RBM46: variants seen among roughly 807,000 people sequenced by gnomAD.
RBM46 encodes the protein RNA binding motif protein 46.
RBM46 carries 12 observed loss-of-function variants against 43.3 expected under a neutral mutation model. The observed-to-expected ratio is 0.28, with a 90% CI of 0.18 to 0.45. The LOEUF (loss-of-function observed/expected upper bound fraction) is 0.45. Ranked by LOEUF, RBM46 falls within the 20% of genes least tolerant of loss-of-function variation. RBM46 has a pLI of 1.00. For missense variants in RBM46, 412 were observed against 639.1 expected, an observed-to-expected ratio of 0.64 and a Z score of 3.83; for synonymous variants, 205 against 207.6, an observed-to-expected ratio of 0.99 and a Z score of 0.11.
intron 4 of RBM46, chr4:154,827,083 A>G (rs1736001722): frequency 9.0e-7 from 1 of 1,108,708 alleles, no homozygotes. Flanking sequence ...TCTGTAATAT[A>G]CACACACACA....
intron 4 of RBM46, among the ~76,000 whole-genome samples, chr4:154,822,425 A>G (rs575460693): frequency 8.5e-4 from 129 of 151,774 alleles, no homozygotes; most frequent in African/African-American, 2.9e-3. Flanking sequence ...TTGATTTTCT[A>G]TACTAGAATA....
At chr4:154,798,686 T>C in intron 3 of RBM46, 96 bp from the exon 4 acceptor site, 1 of 974,400 alleles carries the variant, frequency 1.0e-6, no homozygotes, top group Non-Finnish European at 1.4e-6. Context: ...GATGTGTAGT[T>C]GAGTTTCTGC....
intron 4 of RBM46, among the ~76,000 whole-genome samples, chr4:154,809,041 A>G (rs962372340): frequency 2.2e-5 from 3 of 135,748 alleles, no homozygotes; most frequent in East Asian, 2.3e-4. Context: ...CTATTTCTTA[A>G]TATTTTCCCT....
At chr4:154,818,347 A>T (rs577404655) in intron 4 of RBM46, among the ~76,000 whole-genome samples, 1 of 152,150 alleles carries the variant, frequency 6.6e-6, no homozygotes, top group East Asian at 1.9e-4. Flanking sequence ...TTGAAAGGTT[A>T]TTTTTGCTAG....
At position 154,828,105 on chromosome 4, in the gene RBM46, T is replaced by C; in HGVS notation, c.*38T>C. On this transcript the variant is annotated 3_prime_UTR_variant, in exon 5 of 5. Transcript: ENST00000281722. ...CATTAGTATGAAAATTTGTGTAAAT[T>C]TGTAGTATGAAAACTTGCAAATTAA... 1 of 1,436,376 alleles carries C rather than the reference T, an allele frequency of 7.0e-7. No homozygotes were observed. The highest frequency in any genetic ancestry group is 9.8e-7 in the Non-Finnish European group (1 of 1,020,310). The allele number at this position is 1,436,376 out of a possible 1,614,324, so 89.0% of individuals were successfully genotyped here.
chr4:154,783,291 T>C (rs1431722563), intron 1 of RBM46, among the ~76,000 whole-genome samples: 3 of 152,170 alleles, frequency 2.0e-5, no homozygotes, highest in African/African-American at 7.2e-5. Context: ...TTAAAATATA[T>C]GCATTACTGG....
chr4:154,797,206 T>G (rs1364835449), intron 2 of RBM46, among the ~76,000 whole-genome samples: 1 of 152,150 alleles, frequency 6.6e-6, no homozygotes. Flanking sequence ...GGAGATCATC[T>G]GGGGAGGAAT....
At chr4:154,786,108 A>G (rs1369182967) in intron 1 of RBM46, among the ~76,000 whole-genome samples, 1 of 152,202 alleles carries the variant, frequency 6.6e-6, no homozygotes, top group South Asian at 2.1e-4. Flanking sequence ...GTTTTTTGAG[A>G]TGGAGCCTCG....
chr4:154,821,107 ATTT>A (rs1735701339), intron 4 of RBM46, among the ~76,000 whole-genome samples: 1 of 151,738 alleles, frequency 6.6e-6, no homozygotes, highest in Non-Finnish European at 1.5e-5. Flanking sequence ...TTGTGTGGTT[ATTT>A]TTATCACTTA....
chr4:154,826,759 CT>C (rs1172166283), intron 4 of RBM46: 1 of 1,066,612 alleles, frequency 9.4e-7, no homozygotes, highest in African/African-American at 2.2e-5. Flanking sequence ...TTTTTTTTTC[CT>C]GAACTAGGTC....
Position 154,828,293 on chromosome 4 carries a change from C to T in RBM46, c.*226C>T. The T allele has an allele frequency of 2.0e-6, 1 of 493,624 alleles. No individual in the cohort carries two copies. The highest frequency in any genetic ancestry group is 3.6e-6 in the Non-Finnish European group (1 of 279,080). 30.6% of individuals were successfully genotyped at this position (493,624 alleles called of 1,614,324 possible). ...TCAGTGGTTTCTCTTGATAAAGGTACAGCAAACTACTATTCTTTTTAAACT... is the reference window on the plus strand; with the variant it reads ...TCAGTGGTTTCTCTTGATAAAGGTATAGCAAACTACTATTCTTTTTAAACT... On this transcript the variant is annotated 3_prime_UTR_variant, in exon 5 of 5. Coordinates refer to ENST00000281722, the MANE Select transcript of RBM46 (RefSeq NM_144979.5).
chr4:154,823,493 GAAAC>G (rs1322445249), intron 4 of RBM46, among the ~76,000 whole-genome samples: 1 of 151,650 alleles, frequency 6.6e-6, no homozygotes. Context: ...TATCTAGTCA[GAAAC>G]AAAAGAAAAA....
chr4:154,822,384 C>T (rs1008165094), intron 4 of RBM46, among the ~76,000 whole-genome samples: 1 of 151,478 alleles, frequency 6.6e-6, no homozygotes, highest in Non-Finnish European at 1.5e-5. Context: ...AAAGAAATTT[C>T]ATTTCTTTAT....
chr4:154,808,910 C>A (rs1217225763), intron 4 of RBM46, among the ~76,000 whole-genome samples: 5 of 151,958 alleles, frequency 3.3e-5, no homozygotes, highest in African/African-American at 9.7e-5. Flanking sequence ...AACATTATTT[C>A]TTTTCACTTA....
chr4:154,827,151 T>G (rs964717938), intron 4 of RBM46: 2 of 931,936 alleles, frequency 2.1e-6, no homozygotes, highest in African/African-American at 3.5e-5. Context: ...GAATGTTTAT[T>G]GTGAAACAGT....
At chr4:154,792,719 A>G (rs1734160658) in intron 1 of RBM46, among the ~76,000 whole-genome samples, 1 of 152,212 alleles carries the variant, frequency 6.6e-6, no homozygotes. Context: ...AGGCCAAGAA[A>G]GTAGAGAAGG....
chr4:154,791,146 G>A (rs1314322639), intron 1 of RBM46, among the ~76,000 whole-genome samples: 4 of 152,174 alleles, frequency 2.6e-5, no homozygotes, highest in Non-Finnish European at 4.4e-5. Context: ...GACAATTAGG[G>A]TATCATGCTG....
chr4:154,805,918 G>C (rs1734884800), intron 4 of RBM46, among the ~76,000 whole-genome samples: 1 of 151,634 alleles, frequency 6.6e-6, no homozygotes, highest in African/African-American at 2.4e-5. Context: ...GCTCTAACTT[G>C]GATGATACTA....
intron 4 of RBM46, chr4:154,827,600 T>G: frequency 8.4e-7 from 1 of 1,187,508 alleles, no homozygotes; most frequent in African/African-American, 1.6e-5. Flanking sequence ...TAATCAAAAC[T>G]CCAAGAAATA....
Sources: gnomAD v4.1 joint callset for allele counts (sites outside exome capture counted in the v4.1 genomes callset) on GRCh38, gnomAD v4.1.1 for gene constraint, MANE v1.5 for transcripts, NCBI Gene and HGNC (gene_info 2026-07-23, HGNC 2026-07-21) for gene names.